Variants in TFRC observed in about 807,000 individuals in gnomAD.
TFRC encodes the protein transferrin receptor protein 1.
In TFRC, 35 loss-of-function variants were observed where a neutral mutation model predicts 85.8. The observed-to-expected ratio is 0.41, with a 90% CI of 0.31 to 0.54. The LOEUF (loss-of-function observed/expected upper bound fraction) is 0.54. Among genes scored for constraint, TFRC ranks in the 20% least tolerant of loss-of-function variants. The pLI, the probability that TFRC is intolerant of heterozygous loss-of-function variation, is 0.31. For synonymous variants in TFRC, 362 were observed against 328.6 expected (o/e 1.10, Z -1.10); for missense variants, 828 against 921.5 (o/e 0.90, Z 1.31).
chr3:196,061,610 C>CT (rs905810034), intron 13 of TFRC, among the ~76,000 whole-genome samples: 3 of 152,140 alleles, frequency 2.0e-5, no homozygotes, highest in African/African-American at 7.2e-5. Flanking sequence ...CTACCTCAGC[C>CT]TCCTGAGTAG....
chr3:196,080,756 T>C (rs1201672378), intron 1 of TFRC, among the ~76,000 whole-genome samples: 1 of 149,018 alleles, frequency 6.7e-6, no homozygotes, highest in Non-Finnish European at 1.5e-5. Flanking sequence ...CTATGCTATA[T>C]ATAACCTTGC....
chr3:196,054,776 C>G (rs1436827397), intron 17 of TFRC, among the ~76,000 whole-genome samples: 2 of 152,232 alleles, frequency 1.3e-5, no homozygotes, highest in African/African-American at 2.4e-5. Flanking sequence ...CACAGCCCAA[C>G]TCCTTGCTGA....
chr3:196,074,828 G>A (rs1224827925), intron 3 of TFRC, among the ~76,000 whole-genome samples: 4 of 132,484 alleles, frequency 3.0e-5, no homozygotes, highest in East Asian at 2.2e-4. Context: ...GCAGTGAGCC[G>A]AAATCACGCC....
rs1361269861 is a variant in TFRC at position 196,067,361 on chromosome 3, A to C, written c.1040+157T>G. Reference sequence around the variant, plus strand: ...TTATTAAGATCTCTTTATAGAGAAAAATTCATTTATATCTGTACCAAGGTA... The same window carrying C: ...TTATTAAGATCTCTTTATAGAGAAACATTCATTTATATCTGTACCAAGGTA... On this transcript the variant is annotated intron_variant, in intron 9 of 18. Coordinates refer to ENST00000360110, the MANE Select transcript of TFRC (RefSeq NM_001128148.3). Among the ~76,000 whole-genome samples, 3 of 152,198 alleles carry C rather than the reference A, an allele frequency of 2.0e-5. No individual in the cohort carries two copies. In the East Asian group the frequency reaches 5.8e-4, roughly 29 times the overall value.
intron 3 of TFRC, 52 bp downstream of exon 3, chr3:196,075,107 C>T (rs1287568980): frequency 1.6e-6 from 2 of 1,220,892 alleles, no homozygotes; most frequent in Middle Eastern, 2.0e-4. Context: ...ACATAACAGA[C>T]TTCCCAGAGT....
Position 196,060,452 on chromosome 3 carries a change from G to C in TFRC, c.1469-205C>G, listed in dbSNP as rs534987968. ...AAGCTAACTTCACTCAAGTGGGCTCGTACTACTCCTTGAGTTTGCATACTT... is the reference window on the plus strand; with the variant it reads ...AAGCTAACTTCACTCAAGTGGGCTCCTACTACTCCTTGAGTTTGCATACTT... On this transcript the variant is annotated intron_variant, in intron 13 of 18. Coordinates refer to ENST00000360110, the MANE Select transcript of TFRC (RefSeq NM_001128148.3). 217 of 551,374 alleles carry C rather than the reference G, an allele frequency of 3.9e-4. 4 individuals are homozygous for C. The highest frequency in any genetic ancestry group is 2.9e-3 in the South Asian group (139 of 47,270). 34.2% of individuals were successfully genotyped at this position (551,374 alleles called of 1,614,324 possible).
rs1717389229 is a variant in TFRC, at chr3:196,062,735, T to C, written c.1405-90A>G. On this transcript the variant is annotated intron_variant, in intron 12 of 18. Transcript: ENST00000360110. ...GGGATTCATTTTCAATTCTGGACTC[T>C]ACTGAGACTAAACGCAAAGGCAAAA... 55 of 1,543,910 alleles carry C rather than the reference T, an allele frequency of 3.6e-5. No individual in the cohort carries two copies. The South Asian group carries it at 6.2e-4, about 17-fold the overall frequency.
intron 5 of TFRC, 128 bp from the exon 6 acceptor site, chr3:196,071,626 AT>A: frequency 9.9e-7 from 1 of 1,005,858 alleles, no homozygotes; most frequent in South Asian, 1.5e-5. Flanking sequence ...CTTGATTTTT[AT>A]TTTAAAAGCC....
intron 2 of TFRC, among the ~76,000 whole-genome samples, chr3:196,075,893 C>G (rs1718649779): frequency 6.6e-6 from 1 of 151,200 alleles, no homozygotes; most frequent in Admixed American, 6.6e-5. Context: ...TGGGGGGGGC[C>G]GAGGCACACA....
rs1717842290 is a variant in TFRC, at chr3:196,067,607, A to G, written c.951T>C (p.Asn317=). 1 of 1,614,152 alleles carries G rather than the reference A, an allele frequency of 6.2e-7. No individual in the cohort carries two copies. The highest frequency in any genetic ancestry group is 8.5e-7 in the Non-Finnish European group (1 of 1,180,018). ...ACCGAGATGGTGGAAACTGAGTGTG[A>G]TTGAAGGAAGGGAATCCAGGTGTGT... The part of the protein sequence containing the change: ...DPYTPGFPSF[N]HTQFPPSRSS... Residue 317 remains asparagine (N), a synonymous_variant, in exon 9 of 19, where the codon AAT becomes AAC. Transcript: ENST00000360110.
intron 1 of TFRC, among the ~76,000 whole-genome samples, chr3:196,078,927 C>T (rs1718935284): frequency 6.6e-6 from 1 of 151,852 alleles, no homozygotes; most frequent in Admixed American, 6.6e-5. Flanking sequence ...GTGCCCACCA[C>T]CATGCCCAGC....
intron 1 of TFRC, chr3:196,081,698 T>C (rs1360326852): frequency 6.6e-6 from 1 of 152,188 alleles, no homozygotes; most frequent in African/African-American, 2.4e-5. Context: ...ACAGTGGGGG[T>C]ACACCTGGTC....
At chr3:196,058,473 G>A in intron 15 of TFRC, 101 bp downstream of exon 15, 1 of 1,466,832 alleles carries the variant, frequency 6.8e-7, no homozygotes, top group South Asian at 1.2e-5. Context: ...ATCTTTAGGT[G>A]TAAGTAAGTT....
In TFRC at chr3:196,076,314, AT is replaced by A. The variant is rs572366190; in HGVS notation, c.36+749del. Among the ~76,000 whole-genome samples the A allele has an allele frequency of 2.8e-3, 424 of 149,318 alleles. 5 individuals are homozygous for A. The highest frequency in any genetic ancestry group is 0.014 in the Middle Eastern group (4 of 292). ...TCTACTCAATGTTTCTTAAAATTTC[AT>A]TTTTTTTTTAATAGAGATGGGCTTG... On this transcript the variant is annotated intron_variant, in intron 2 of 18. Transcript: ENST00000360110.
At chr3:196,063,031 A>G in intron 11 of TFRC, 92 bp from the exon 12 acceptor site, 1 of 932,462 alleles carries the variant, frequency 1.1e-6, no homozygotes, top group Non-Finnish European at 1.6e-6. Context: ...AGAAGGTCTA[A>G]TTCCAAGATA....
chr3:196,065,393 A>C, intron 10 of TFRC, 50 bp downstream of exon 10: 2 of 1,103,040 alleles, frequency 1.8e-6, no homozygotes, highest in Non-Finnish European at 1.2e-6. Context: ...TAGGAACAGA[A>C]AAGAAAACAA....
rs552092269 is a variant in TFRC at position 196,074,200 on chromosome 3, C to T, written c.239-75G>A. The T allele has an allele frequency of 3.8e-5, 53 of 1,390,638 alleles. No homozygotes were observed. In the Admixed American group the frequency reaches 1.1e-3, roughly 28 times the overall value. The allele number at this position is 1,390,638 out of a possible 1,614,324, so 86.1% of individuals were successfully genotyped here. A position where few individuals can be genotyped will look rare whatever the true frequency, so the allele number is the denominator to read the frequency against. ...ATCCCTGTTAATCTGTTAATATTTT[C>T]AGGTAAGCCTTGAAAATACTGGTTT... On this transcript the variant is annotated intron_variant, in intron 3 of 18. Transcript: ENST00000360110.
chr3:196,063,071 CA>C, intron 11 of TFRC, 132 bp from the exon 12 acceptor site: 3 of 544,810 alleles, frequency 5.5e-6, no homozygotes. Context: ...TTTTCTGAGC[CA>C]AAAAAGAAAA....
intron 4 of TFRC, among the ~76,000 whole-genome samples, chr3:196,072,556 C>G (rs188627118): frequency 6.6e-6 from 1 of 152,218 alleles, no homozygotes; most frequent in Admixed American, 6.5e-5. Context: ...CTCCTTGGTC[C>G]GATCTCCCAT....
Sources: gnomAD v4.1 joint callset for allele counts (sites outside exome capture counted in the v4.1 genomes callset) on GRCh38, gnomAD v4.1.1 for gene constraint, MANE v1.5 for transcripts, NCBI Gene and HGNC (gene_info 2026-07-23, HGNC 2026-07-21) for gene names.